The following ULK4 variants were observed in gnomAD, a reference collection of about 807,000 sequenced individuals.
ULK4 encodes inactive serine/threonine-protein kinase ULK4.
In ULK4, 133 loss-of-function variants were observed where a neutral mutation model predicts 160.6. The observed-to-expected ratio is 0.83, with a 90% CI of 0.72 to 0.96. The LOEUF is 0.96. Among genes scored for constraint, ULK4 ranks in the 40% least tolerant of loss-of-function variants. The pLI is 0.00. For missense variants in ULK4, 1,580 were observed against 1,499.5 expected (o/e 1.05, Z -0.89); for synonymous variants, 534 against 539.8 (o/e 0.99, Z 0.15).
Position 41,246,855 on chromosome 3 carries a change from G to A in ULK4, c.*74C>T. ...AGCTGTGAGGGGATGTGGCAAAGGT[G>A]TCTGGGAGCTGACCTTGCTTATGCA... On this transcript the variant is annotated 3_prime_UTR_variant, in exon 37 of 37. Coordinates refer to ENST00000301831, the MANE Select transcript of ULK4 (RefSeq NM_017886.4). The A allele has an allele frequency of 2.6e-6, 4 of 1,544,676 alleles. No homozygotes were observed. The highest frequency in any genetic ancestry group is 2.3e-5 in the South Asian group (2 of 85,906).
chr3:41,718,167 C>T (rs1031477963), intron 22 of ULK4, among the ~76,000 whole-genome samples: 5 of 152,142 alleles, frequency 3.3e-5, no homozygotes, highest in Admixed American at 3.3e-4. Flanking sequence ...CAGAAGAGGG[C>T]TCTTTATGTT....
intron 22 of ULK4, among the ~76,000 whole-genome samples, chr3:41,749,617 GAC>G (rs2038547373): frequency 6.6e-6 from 1 of 152,160 alleles, no homozygotes; most frequent in African/African-American, 2.4e-5. Flanking sequence ...ATGCATTTTT[GAC>G]ATGATATTTT....
At chr3:41,418,435 A>G (rs1234474158) in intron 34 of ULK4, among the ~76,000 whole-genome samples, 7 of 152,064 alleles carry the variant, frequency 4.6e-5, no homozygotes, top group East Asian at 1.9e-4. Context: ...AAAATTTTTA[A>G]AAGTCCACGT....
intron 22 of ULK4, among the ~76,000 whole-genome samples, chr3:41,723,429 A>T (rs1334684622): frequency 6.6e-6 from 1 of 151,710 alleles, no homozygotes; most frequent in Non-Finnish European, 1.5e-5. Context: ...TGTCTTTCAC[A>T]TTGAAGTCCT....
intron 30 of ULK4, among the ~76,000 whole-genome samples, chr3:41,633,059 G>A (rs1218463203): frequency 1.3e-5 from 2 of 152,196 alleles, no homozygotes; most frequent in African/African-American, 4.8e-5. Flanking sequence ...TTAAGTGAAA[G>A]AGCAAGTTTA....
At chr3:41,933,528 C>T (rs1363363947) in intron 4 of ULK4, among the ~76,000 whole-genome samples, 2 of 152,172 alleles carry the variant, frequency 1.3e-5, no homozygotes, top group Non-Finnish European at 2.9e-5. Context: ...CCTTCGCTAA[C>T]CCCTGTTCTA....
intron 34 of ULK4, among the ~76,000 whole-genome samples, chr3:41,451,663 A>G (rs2083428016): frequency 1.3e-5 from 2 of 152,250 alleles, no homozygotes; most frequent in Non-Finnish European, 2.9e-5. Context: ...ATGATATTCC[A>G]ATTCAAGTAA....
intron 19 of ULK4, among the ~76,000 whole-genome samples, chr3:41,809,165 C>CAA (rs147555860): frequency 0.16 from 15,911 of 100,366 alleles, 1,090 homozygotes; most frequent in Middle Eastern, 0.35. Context: ...GACTCCGTCT[C>CAA]AAAAAAAAAA....
chr3:41,396,872 G>C (rs137996892), intron 35 of ULK4, among the ~76,000 whole-genome samples: 4 of 152,230 alleles, frequency 2.6e-5, no homozygotes, highest in Non-Finnish European at 5.9e-5. Flanking sequence ...TTGGGGTTGG[G>C]GGGGAGTCAC....
At chr3:41,854,552 T>C (rs559715832) in intron 17 of ULK4, among the ~76,000 whole-genome samples, 1 of 152,160 alleles carries the variant, frequency 6.6e-6, no homozygotes, top group Non-Finnish European at 1.5e-5. Flanking sequence ...AAATTGAGCA[T>C]CAGGTGTCTG....
chr3:41,353,881 C>G (rs73831336), intron 35 of ULK4, among the ~76,000 whole-genome samples: 5,927 of 152,186 alleles, frequency 0.039, 306 homozygotes, highest in East Asian at 0.19. Flanking sequence ...TCACCCAAAT[C>G]TCGGTGACTA....
intron 35 of ULK4, chr3:41,250,884 G>T (rs1172013302): frequency 6.6e-6 from 1 of 152,184 alleles, no homozygotes; most frequent in Non-Finnish European, 1.5e-5. Flanking sequence ...AAAAATGCCA[G>T]CTGTAGTTCA....
intron 35 of ULK4, among the ~76,000 whole-genome samples, chr3:41,330,715 C>A (rs6804569): frequency 2.0e-5 from 3 of 152,206 alleles, no homozygotes; most frequent in Non-Finnish European, 4.4e-5. Flanking sequence ...AACACTTAGG[C>A]CTCATAGTAG....
chr3:41,718,798 T>C (rs965292100), intron 22 of ULK4, among the ~76,000 whole-genome samples: 1 of 152,240 alleles, frequency 6.6e-6, no homozygotes, highest in East Asian at 1.9e-4. Flanking sequence ...ATAAAATGTA[T>C]TGAAATCTTG....
chr3:41,759,339 T>C (rs1039893063), intron 21 of ULK4, among the ~76,000 whole-genome samples: 5 of 152,186 alleles, frequency 3.3e-5, no homozygotes, highest in Non-Finnish European at 5.9e-5. Flanking sequence ...ATACCAATAA[T>C]GAACAATTGG....
chr3:41,302,633 G>A (rs1443002398), intron 35 of ULK4, among the ~76,000 whole-genome samples: 1 of 152,178 alleles, frequency 6.6e-6, no homozygotes, highest in South Asian at 2.1e-4. Flanking sequence ...CAGATGTGGT[G>A]CAGCTTTATT....
At position 41,938,129 on chromosome 3, in the gene ULK4, G is replaced by A. The variant is rs373600729; in HGVS notation, c.207C>T (p.Asn69=). 2.5e-6 allele frequency: 4 copies of A among 1,613,116 alleles called. No homozygotes were observed. The highest frequency in any genetic ancestry group is 1.1e-5 in the South Asian group (1 of 90,972). The part of the protein sequence containing the change: ...VTFHEWYETS[N]HLWLVVELCT... The stretch of plus-strand genomic sequence containing the variant: ...AGAGTTCCACCACTAGCCAGAGGTG[G>A]TTGCTTGTTTCATACCATTCATGAA... The change falls in exon 3 of 37, where the codon AAC becomes AAT. Residue 69 remains asparagine, a synonymous_variant. Coordinates refer to ENST00000301831, the MANE Select transcript of ULK4 (RefSeq NM_017886.4).
At chr3:41,665,073 C>A (rs994399018) in intron 29 of ULK4, among the ~76,000 whole-genome samples, 1 of 152,060 alleles carries the variant, frequency 6.6e-6, no homozygotes, top group African/African-American at 2.4e-5. Flanking sequence ...GAATAGCCAA[C>A]AACTAAAAAG....
intron 31 of ULK4, among the ~76,000 whole-genome samples, chr3:41,586,678 GA>G: frequency 6.6e-6 from 1 of 151,978 alleles, no homozygotes; most frequent in African/African-American, 2.4e-5. Context: ...AAGATACTAA[GA>G]AAAAAATTGG....
Sources: allele counts gnomAD v4.1 joint callset (sites outside exome capture counted in the v4.1 genomes callset), GRCh38; gene constraint gnomAD v4.1.1; transcripts MANE v1.5; gene names NCBI Gene and HGNC (gene_info 2026-07-23, HGNC 2026-07-21).